The following SAMD5 variants were observed in gnomAD, a reference collection of about 807,000 sequenced individuals.
The protein encoded by SAMD5 is sterile alpha motif domain-containing protein 5.
In SAMD5, 13 loss-of-function variants were observed where a neutral mutation model predicts 11.3. The observed-to-expected ratio is 1.15, with a 90% CI of 0.75 to 1.83. SAMD5 has a LOEUF of 1.83. SAMD5 is among the 40% of genes most tolerant of loss of function. SAMD5 has a pLI of 0.00. For missense variants in SAMD5, 255 were observed against 239.1 expected, an observed-to-expected ratio of 1.07 and a Z score of -0.44; for synonymous variants, 129 against 111.3, an observed-to-expected ratio of 1.16 and a Z score of -1.00.
chr6:147,898,629 CTT>C, the SAMD5 span, among the ~76,000 whole-genome samples: 1 of 152,170 alleles, frequency 6.6e-6, no homozygotes, highest in African/African-American at 2.4e-5. Flanking sequence ...TCCAAGATCT[CTT>C]TTTGAATAAT....
chr6:147,666,041 C>A (rs541132139), intron 1 of SAMD5, among the ~76,000 whole-genome samples: 1 of 152,156 alleles, frequency 6.6e-6, no homozygotes, highest in African/African-American at 2.4e-5. Flanking sequence ...AGGGTTCAGA[C>A]GATTCTCCCG....
the SAMD5 span, among the ~76,000 whole-genome samples, chr6:147,801,422 A>C: frequency 8.1e-4 from 123 of 152,208 alleles, 1 homozygote; most frequent in East Asian, 0.023. Flanking sequence ...AGAGATTGAA[A>C]ACCCTGTATT....
chr6:147,708,803 A>T (rs978881343), intron 1 of SAMD5, among the ~76,000 whole-genome samples: 14 of 152,194 alleles, frequency 9.2e-5, no homozygotes, highest in African/African-American at 2.9e-4. Flanking sequence ...AGCCTCACAG[A>T]AGGATTTATG....
At chr6:147,925,333 G>T in the SAMD5 span, among the ~76,000 whole-genome samples, 1 of 152,136 alleles carries the variant, frequency 6.6e-6, no homozygotes, top group Non-Finnish European at 1.5e-5. Context: ...CCAGCACCTT[G>T]ATCTTGGACT....
chr6:147,576,444 T>C (rs1320228527), intron 1 of SAMD5, among the ~76,000 whole-genome samples: 1 of 152,174 alleles, frequency 6.6e-6, no homozygotes, highest in East Asian at 1.9e-4. Flanking sequence ...TGACCAAATA[T>C]TTTCAAGTTT....
intron 1 of SAMD5, among the ~76,000 whole-genome samples, chr6:147,522,710 G>C (rs1045920147): frequency 1.3e-5 from 2 of 152,114 alleles, no homozygotes; most frequent in African/African-American, 4.8e-5. Context: ...TCACTTCAAT[G>C]GTTGTTGTCA....
chr6:147,838,163 A>T, the SAMD5 span, among the ~76,000 whole-genome samples: 1 of 152,220 alleles, frequency 6.6e-6, no homozygotes, highest in Non-Finnish European at 1.5e-5. Flanking sequence ...AATTTGAGTG[A>T]CTAGAAGCCC....
At chr6:147,693,203 CT>C (rs1413250180) in intron 1 of SAMD5, among the ~76,000 whole-genome samples, 1 of 152,228 alleles carries the variant, frequency 6.6e-6, no homozygotes, top group Non-Finnish European at 1.5e-5. Context: ...TCACCTCAGC[CT>C]TTTCTTCTAA....
At chr6:147,607,316 A>G in intron 1 of SAMD5, among the ~76,000 whole-genome samples, 1 of 152,224 alleles carries the variant, frequency 6.6e-6, no homozygotes, top group East Asian at 1.9e-4. Flanking sequence ...CATAATTCAC[A>G]GAAATATTAA....
intron 1 of SAMD5, chr6:147,733,743 G>A: frequency 5.3e-6 from 5 of 946,574 alleles, no homozygotes; most frequent in Non-Finnish European, 6.3e-6. Context: ...TAAAATTATG[G>A]AAATTCTTCA....
chr6:147,931,167 G>A, the SAMD5 span, among the ~76,000 whole-genome samples: 5 of 152,194 alleles, frequency 3.3e-5, no homozygotes, highest in Admixed American at 3.3e-4. Context: ...CTTTCCTGGT[G>A]CAAAAGAGTT....
At chr6:147,742,368 T>C (rs2128460830), downstream of SAMD5, among the ~76,000 whole-genome samples, 1 of 152,298 alleles carries the variant, frequency 6.6e-6, no homozygotes, top group South Asian at 2.1e-4. Context: ...TTGAAATGAT[T>C]CTTTCCCTTG....
the SAMD5 span, among the ~76,000 whole-genome samples, chr6:147,776,022 G>T: frequency 6.6e-6 from 1 of 152,190 alleles, no homozygotes; most frequent in African/African-American, 2.4e-5. Context: ...GCTGGAAACC[G>T]AGTAGTAGCA....
chr6:147,799,035 G>A, the SAMD5 span, among the ~76,000 whole-genome samples: 1 of 152,102 alleles, frequency 6.6e-6, no homozygotes, highest in South Asian at 2.1e-4. Context: ...TTGCCAGTCT[G>A]TGTCTTTTAA....
chr6:147,916,293 G>A, the SAMD5 span, among the ~76,000 whole-genome samples: 282 of 152,154 alleles, frequency 1.9e-3, 1 homozygote, highest in African/African-American at 6.3e-3. Context: ...GGGTCAAATG[G>A]TATTTCTAGT....
chr6:147,824,739 A>G, the SAMD5 span, among the ~76,000 whole-genome samples: 1,386 of 152,318 alleles, frequency 9.1e-3, 28 homozygotes, highest in African/African-American at 0.031. Flanking sequence ...TTTTACTTAC[A>G]TACAATAATT....
rs1326264011 is a variant in SAMD5, at chr6:147,565,327, A to G, written c.*871A>G. 2.0e-5 allele frequency: 20 copies of G among 985,826 alleles called. No homozygotes were observed. The highest frequency in any genetic ancestry group is 2.4e-5 in the Non-Finnish European group (20 of 829,992). 61.1% of individuals were successfully genotyped at this position (985,826 alleles called of 1,614,324 possible). ...GGCCTGTGGGGGCCGGGAGGTGGGC[A>G]GCGGCAGTGGCCTGAGGAGCCCTGT... On this transcript the variant is annotated 3_prime_UTR_variant, in exon 2 of 2. Coordinates refer to ENST00000367474, the MANE Select transcript of SAMD5 (RefSeq NM_001030060.3).
At chr6:147,921,199 G>A in the SAMD5 span, among the ~76,000 whole-genome samples, 5 of 151,600 alleles carry the variant, frequency 3.3e-5, no homozygotes, top group African/African-American at 1.2e-4. Flanking sequence ...GAAAACCACT[G>A]ACTGTGGTTG....
chr6:147,632,283 C>T lies in SAMD5; in HGVS notation c.163-105034C>T, dbSNP rs186419513. 2.0e-4 allele frequency among the ~76,000 whole-genome samples: 31 copies of T among 152,190 alleles called. 1 individual carries two copies. Among genetic ancestry groups the T allele is most frequent in the Admixed American group, 1.2e-3 (18 of 15,274 alleles). Reference sequence around the variant, plus strand: ...TAAAGAGGAATTAATGATGGAGGACCCTTGCATAGTGAGGAAACCTCTTCT... The same window carrying T: ...TAAAGAGGAATTAATGATGGAGGACTCTTGCATAGTGAGGAAACCTCTTCT... On this transcript the variant is annotated intron_variant, in intron 1 of 1. Transcript: ENST00000566741.
Sources: gnomAD v4.1 joint callset for allele counts (sites outside exome capture counted in the v4.1 genomes callset) on GRCh38, gnomAD v4.1.1 for gene constraint, MANE v1.5 for transcripts, NCBI Gene and HGNC (gene_info 2026-07-23, HGNC 2026-07-21) for gene names.